SPEF1: variants seen among roughly 807,000 people sequenced by gnomAD.
SPEF1 encodes sperm flagellar and cilia associated 1, also known as sperm flagella and cilia-associated protein 1.
A neutral mutation model predicts 31.8 loss-of-function variants in SPEF1; 30 were observed. The observed-to-expected ratio is 0.94, with a 90% CI of 0.70 to 1.28. SPEF1 has a LOEUF of 1.28. SPEF1 is among the 50% of genes most tolerant of loss of function. The pLI, the probability that SPEF1 is intolerant of heterozygous loss-of-function variation, is 0.00. For missense variants in SPEF1, 298 were observed against 309.6 expected (o/e 0.96, Z 0.28); for synonymous variants, 126 against 130.1 (o/e 0.97, Z 0.21).
At position 3,778,500 on chromosome 20, in the gene SPEF1, G is replaced by A. The variant is rs775864069; in HGVS notation, c.524C>T (p.Ala175Val). The A allele has an allele frequency of 1.2e-5, 19 of 1,612,510 alleles. No homozygotes were observed. The East Asian group carries it at 2.5e-4, about 21-fold the overall frequency. The change falls in exon 6 of 7, where the codon GCG becomes GTG. Residue 175 changes from alanine (A) to valine (V), a missense_variant. Physicochemically the swap from Ala to Val is moderately conservative, Grantham distance 64. Coordinates refer to ENST00000379756, the MANE Select transcript of SPEF1 (RefSeq NM_015417.5). Reference sequence around the variant, plus strand: ...GACGAAGCTGGGGTCGCCCTGCAACGCCCGGTTATACGCTGGAGGCCGAGG... The same window carrying A: ...GACGAAGCTGGGGTCGCCCTGCAACACCCGGTTATACGCTGGAGGCCGAGG... ...PAPRPPAYNR[A>V]LQGDPSFVLQ...
rs1657847646 is a variant in SPEF1 at position 3,777,987 on chromosome 20, G to A, written c.*225C>T. The A allele has an allele frequency of 5.8e-6, 3 of 513,422 alleles. No homozygotes were observed. Among genetic ancestry groups the A allele is most frequent in the Non-Finnish European group, 1.0e-5 (3 of 290,020 alleles). The allele number at this position is 513,422 out of a possible 1,614,324, so 31.8% of individuals were successfully genotyped here. A position where few individuals can be genotyped will look rare whatever the true frequency, so the allele number is the denominator to read the frequency against. The stretch of plus-strand genomic sequence containing the variant: ...GTCCATTCTCCTGACCCGGATCTCC[G>A]GAGTGGTAGGAGGCGGCTCAGTCCC... On this transcript the variant is annotated 3_prime_UTR_variant, in exon 7 of 7. Transcript: ENST00000379756. This position sits in a 1 kb window ranked among gnomAD's most constrained non-coding sequence, Gnocchi z 4.1.
chr20:3,778,725 T>C, intron 5 of SPEF1, 21 bp downstream of exon 5: 1 of 1,612,378 alleles, frequency 6.2e-7, no homozygotes. Context: ...TGGTGAAGTC[T>C]GGAACTCCCA....
chr20:3,779,081 T>A, intron 3 of SPEF1, 91 bp from the exon 4 acceptor site: 1 of 1,597,146 alleles, frequency 6.3e-7, no homozygotes, highest in South Asian at 1.1e-5. Context: ...GGCCAGGCTC[T>A]ATTAGCCAAG....
intron 1 of SPEF1, 68 bp from the exon 2 acceptor site, chr20:3,779,843 G>T: frequency 1.6e-6 from 1 of 621,520 alleles, no homozygotes; most frequent in Non-Finnish European, 2.9e-6. Flanking sequence ...GAGAGAAGGT[G>T]GGGGTGGGAG....
At position 3,778,855 on chromosome 20, in the gene SPEF1, T is replaced by C. The variant is rs755131880; in HGVS notation, c.419-49A>G. 6 of 1,607,998 alleles carry C rather than the reference T, an allele frequency of 3.7e-6. No individual in the cohort carries two copies. In the African/African-American group the frequency reaches 6.7e-5, roughly 18 times the overall value. ...TGACTGTGCTGGAGTCTCATTCTCCTGCTTCCCCCTCCCTACTTCCACTCT... is the reference window on the plus strand; with the variant it reads ...TGACTGTGCTGGAGTCTCATTCTCCCGCTTCCCCCTCCCTACTTCCACTCT... On this transcript the variant is annotated intron_variant, in intron 4 of 6. Coordinates refer to ENST00000379756, the MANE Select transcript of SPEF1 (RefSeq NM_015417.5).
Position 3,778,772 on chromosome 20 carries a change from C to T in SPEF1, c.453G>A (p.Pro151=). The change falls in exon 5 of 7, where the codon CCG becomes CCA. Residue 151 remains proline (P), a synonymous_variant. Transcript: ENST00000379756. The part of the protein sequence containing the change: ...VSQKARGEGV[P]DPQGGGQLSW... ...TGAGCTGACCCCCTCCCTGGGGGTC[C>T]GGGACACCTTCACCTCGGGCCTTCT... The T allele has an allele frequency of 6.2e-7, 1 of 1,613,874 alleles. No individual in the cohort carries two copies. Among genetic ancestry groups the T allele is most frequent in the Non-Finnish European group, 8.5e-7 (1 of 1,179,926 alleles).
intron 5 of SPEF1, 48 bp from the exon 6 acceptor site, chr20:3,778,592 C>G (rs1178310661): frequency 1.3e-6 from 2 of 1,577,748 alleles, no homozygotes; most frequent in East Asian, 2.3e-5. Context: ...GGGCCCTACA[C>G]TCACCCTTCC....
At chr20:3,779,079 T>A in intron 3 of SPEF1, 89 bp from the exon 4 acceptor site, 1 of 1,599,062 alleles carries the variant, frequency 6.3e-7, no homozygotes, top group Non-Finnish European at 8.5e-7. Context: ...CAGGCCAGGC[T>A]CTATTAGCCA....
rs1213350654 is a variant in SPEF1 at position 3,779,241 on chromosome 20, C to A, written c.333G>T (p.Leu111=). ...GCTTCCTGCGCCTCTGCCTCTCCTC[C>A]AGGCGCTGCCTCAGCGGGATGAGCA... The part of the protein sequence containing the change: ...ELVLIPLRQR[L]EERQRRRKQG... The change falls in exon 3 of 7, where the codon CTG becomes CTT. Residue 111 remains leucine, a synonymous_variant. Coordinates refer to ENST00000379756, the MANE Select transcript of SPEF1 (RefSeq NM_015417.5). 1 of 1,589,952 alleles carries A rather than the reference C, an allele frequency of 6.3e-7. No homozygotes were observed. The highest frequency in any genetic ancestry group is 1.1e-5 in the South Asian group (1 of 88,094).
Position 3,778,656 on chromosome 20 carries a change from C to CAACT in SPEF1, c.479+89_479+90insAGTT, listed in dbSNP as rs202244481. ...CCCCTCTAGCCCCTTTCCTGCCTCCCGTCTCAGGCTCAGCGTACCGTGCCC... is the reference window on the plus strand; with the variant it reads ...CCCCTCTAGCCCCTTTCCTGCCTCCCAACTGTCTCAGGCTCAGCGTACCGTGCCC... On this transcript the variant is annotated intron_variant, in intron 5 of 6. Transcript: ENST00000379756. 1,168 of 1,579,142 alleles carry CAACT rather than the reference C, an allele frequency of 7.4e-4. 9 individuals are homozygous for CAACT. In the African/African-American group the frequency reaches 0.014, roughly 19 times the overall value.
chr20:3,779,169 G>A (rs761739306), intron 3 of SPEF1, 27 bp downstream of exon 3: 2 of 1,554,448 alleles, frequency 1.3e-6, no homozygotes, highest in Non-Finnish European at 1.7e-6. Context: ...CCCCAGAGCA[G>A]TGGGAGAAGC....
rs747262812 is a variant in SPEF1, at chr20:3,781,325, G to A, written c.-38C>T. 6.3e-7 allele frequency: 1 copy of A among 1,599,414 alleles called. No individual in the cohort carries two copies. Among genetic ancestry groups the A allele is most frequent in the African/African-American group, 1.3e-5 (1 of 74,516 alleles). On this transcript the variant is annotated 5_prime_UTR_variant, in exon 1 of 7. Coordinates refer to ENST00000379756, the MANE Select transcript of SPEF1 (RefSeq NM_015417.5). ...GGCCTGGCCGCCCCAGCGGTGCCGG[G>A]TCCCGCCCCAGCCTCACGACCCTTC...
In SPEF1 at chr20:3,781,314, A is replaced by C. The variant is rs749202345; in HGVS notation, c.-27T>G. ...GGCGTCCTCACGGCCTGGCCGCCCC[A>C]GCGGTGCCGGGTCCCGCCCCAGCCT... On this transcript the variant is annotated 5_prime_UTR_variant, in exon 1 of 7. Transcript: ENST00000379756. 6.2e-7 allele frequency: 1 copy of C among 1,607,508 alleles called. No homozygotes were observed. The highest frequency in any genetic ancestry group is 1.1e-5 in the South Asian group (1 of 90,464).
chr20:3,778,544 G>A lies in SPEF1; in HGVS notation c.480C>T (p.Ser160=). The A allele has an allele frequency of 6.2e-7, 1 of 1,605,684 alleles. No homozygotes were observed. Among genetic ancestry groups the A allele is most frequent in the Non-Finnish European group, 8.5e-7 (1 of 1,177,658 alleles). The change falls in exon 6 of 7, where the codon AGC becomes AGT. Residue 160 remains serine, a splice_region_variant and synonymous_variant. Transcript: ENST00000379756. ...GCCGAGGCGCCGGCGGCCGGTCCCA[G>A]CTGGGGTGGGAAGCAGCTTAGCGGA... is the stretch of plus-strand genomic sequence containing the variant. ...VPDPQGGGQL[S]WDRPPAPRPP...
In SPEF1 at chr20:3,781,383, A is replaced by G; in HGVS notation, c.-96T>C. On this transcript the variant is annotated 5_prime_UTR_variant, in exon 1 of 7. The change abolishes an upstream ATG in the 5' untranslated region. Coordinates refer to ENST00000379756, the MANE Select transcript of SPEF1 (RefSeq NM_015417.5). ...TCCTTTCTCGCCACTGCAGAAGCCCATAACTGCCTCTGCCTGCCTAATCCA... is the reference window on the plus strand; with the variant it reads ...TCCTTTCTCGCCACTGCAGAAGCCCGTAACTGCCTCTGCCTGCCTAATCCA... 24 of 1,499,126 alleles carry G rather than the reference A, an allele frequency of 1.6e-5. No homozygotes were observed. The highest frequency in any genetic ancestry group is 6.2e-5 in the South Asian group (5 of 80,468). 92.9% of individuals were successfully genotyped at this position (1,499,126 alleles called of 1,614,324 possible).
Position 3,781,412 on chromosome 20 carries a change from A to C in SPEF1, c.-125T>G. On this transcript the variant is annotated 5_prime_UTR_variant, in exon 1 of 7. Transcript: ENST00000379756. ...CTGCCTCTGCCTGCCTAATCCAGAG[A>C]CTCACGTCCCAGCTGGGAGCGGCCA... 1 of 1,389,128 alleles carries C rather than the reference A, an allele frequency of 7.2e-7. No individual in the cohort carries two copies. The highest frequency in any genetic ancestry group is 1.4e-5 in the South Asian group (1 of 70,488). The allele number at this position is 1,389,128 out of a possible 1,614,324, so 86.1% of individuals were successfully genotyped here.
At chr20:3,778,394 C>T (rs776955052) in intron 6 of SPEF1, 27 bp downstream of exon 6, 13 of 1,613,754 alleles carry the variant, frequency 8.1e-6, no homozygotes, top group South Asian at 3.3e-5. Flanking sequence ...CGCGAGCCCC[C>T]ACCCGCAGCC....
Position 3,779,708 on chromosome 20 carries a change from G to A in SPEF1, c.177C>T (p.Ala59=). ...KMVEMHNYVP[A]NSLQQKLSNW... is the part of the protein sequence containing the mutation. ...TGCTGAGCTTCTGCTGGAGAGAGTT[G>A]GCGGGGACATAATTGTGCATCTCCA... The change falls in exon 2 of 7, where the codon GCC becomes GCT. Residue 59 remains alanine (A), a synonymous_variant. Coordinates refer to ENST00000379756, the MANE Select transcript of SPEF1 (RefSeq NM_015417.5). 1 of 1,613,912 alleles carries A rather than the reference G, an allele frequency of 6.2e-7. No homozygotes were observed. Among genetic ancestry groups the A allele is most frequent in the South Asian group, 1.1e-5 (1 of 91,074 alleles).
intron 3 of SPEF1, 79 bp downstream of exon 3, chr20:3,779,117 A>C: frequency 1.9e-6 from 3 of 1,552,510 alleles, no homozygotes. Context: ...CTTATCACCC[A>C]GGCTGGCCTT....
Sources: allele counts gnomAD v4.1 joint callset, GRCh38; gene constraint gnomAD v4.1.1; non-coding constraint Gnocchi (gnomAD v3.1); transcripts MANE v1.5; gene names NCBI Gene and HGNC (gene_info 2026-07-23, HGNC 2026-07-21).